The following GUCY1A1 variants were observed in gnomAD, a reference collection of about 807,000 sequenced individuals.
The protein encoded by GUCY1A1 is guanylate cyclase 1 soluble subunit alpha 1, also known as guanylate cyclase soluble subunit alpha-1.
A neutral mutation model predicts 64.5 loss-of-function variants in GUCY1A1; 48 were observed. The observed-to-expected ratio is 0.74, with a 90% confidence interval of 0.59 to 0.95. GUCY1A1 has a LOEUF of 0.95. Among genes scored for constraint, GUCY1A1 ranks in the 40% least tolerant of loss-of-function variants. The pLI, the probability that GUCY1A1 is intolerant of heterozygous loss-of-function variation, is 0.00. For synonymous variants in GUCY1A1, 308 were observed against 303.4 expected (o/e 1.02, Z -0.16); for missense variants, 804 against 825.3 (o/e 0.97, Z 0.32).
Position 155,680,946 on chromosome 4 carries a change from CAT to C in GUCY1A1, c.-113+13528_-113+13529del, listed in dbSNP as rs1491427939. On this transcript the variant is annotated intron_variant, in intron 2 of 9. Coordinates refer to ENST00000506455, the MANE Select transcript of GUCY1A1 (RefSeq NM_001130682.3). The stretch of plus-strand genomic sequence containing the variant: ...ATACACACACACACACACACACACA[CAT>C]GCACACACACACACACATGCACACA... 1.5e-4 allele frequency among the ~76,000 whole-genome samples: 20 copies of C among 134,888 alleles called. 1 individual carries two copies. Among genetic ancestry groups the C allele is most frequent in the African/African-American group, 5.3e-4 (20 of 37,730 alleles). 88.5% of individuals were successfully genotyped at this position (134,888 alleles called of 152,430 possible). A position where few individuals can be genotyped will look rare whatever the true frequency, so the allele number is the denominator to read the frequency against.
intron 3 of GUCY1A1, among the ~76,000 whole-genome samples, chr4:155,701,778 G>A (rs571317495): frequency 1.8e-4 from 26 of 143,990 alleles, no homozygotes; most frequent in Non-Finnish European, 2.9e-4. Flanking sequence ...CTCCAGCCTG[G>A]ATGACAGAGC....
rs1291788359 is a variant in GUCY1A1 at position 155,726,776 on chromosome 4, G to A, written c.1872-3254G>A. On this transcript the variant is annotated intron_variant, in intron 9 of 9. Transcript: ENST00000506455. Reference sequence around the variant, plus strand: ...ACTTTAATTTTAGGGGATAATATTCGACATTTTGTTTGCATTCTTGAAGTA... The same window carrying A: ...ACTTTAATTTTAGGGGATAATATTCAACATTTTGTTTGCATTCTTGAAGTA... Among the ~76,000 whole-genome samples the A allele has an allele frequency of 6.6e-5, 10 of 151,756 alleles. 1 individual carries two copies. Among genetic ancestry groups the A allele is most frequent in the South Asian group, 6.2e-4 (3 of 4,818 alleles).
intron 3 of GUCY1A1, among the ~76,000 whole-genome samples, chr4:155,702,314 G>T (rs1201074922): frequency 6.6e-6 from 1 of 151,882 alleles, no homozygotes; most frequent in African/African-American, 2.4e-5. Flanking sequence ...TGCTTTCATG[G>T]ATTTGTATCC....
intron 2 of GUCY1A1, among the ~76,000 whole-genome samples, chr4:155,694,085 T>A (rs1022482839): frequency 1.3e-5 from 2 of 152,232 alleles, no homozygotes; most frequent in Non-Finnish European, 2.9e-5. Flanking sequence ...TACCCTTTTT[T>A]GCTAGTTATT....
intron 2 of GUCY1A1, among the ~76,000 whole-genome samples, chr4:155,672,819 T>G (rs1038140428): frequency 1.3e-5 from 2 of 152,224 alleles, no homozygotes; most frequent in East Asian, 3.9e-4. Context: ...TAAAGATGAC[T>G]TTAACAATTC....
chr4:155,686,708 G>A (rs937282018), intron 2 of GUCY1A1, among the ~76,000 whole-genome samples: 1 of 152,206 alleles, frequency 6.6e-6, no homozygotes, highest in Non-Finnish European at 1.5e-5. Flanking sequence ...ATAAAAAATA[G>A]TGAGTAGTGC....
intron 7 of GUCY1A1, among the ~76,000 whole-genome samples, chr4:155,714,147 A>T (rs1732936652): frequency 6.6e-6 from 1 of 152,220 alleles, no homozygotes; most frequent in Non-Finnish European, 1.5e-5. Context: ...GGCCAAGGGC[A>T]GAGACATTTG....
intron 2 of GUCY1A1, among the ~76,000 whole-genome samples, chr4:155,694,278 C>T (rs1269263319): frequency 6.6e-6 from 1 of 152,114 alleles, no homozygotes; most frequent in Non-Finnish European, 1.5e-5. Flanking sequence ...CACAGTGGCT[C>T]ATGCCTGTAA....
chr4:155,694,646 A>G (rs571280273), intron 2 of GUCY1A1, among the ~76,000 whole-genome samples: 2 of 152,258 alleles, frequency 1.3e-5, no homozygotes, highest in East Asian at 3.9e-4. Context: ...TTTGTATATC[A>G]TCTCTGGCTG....
intron 2 of GUCY1A1, among the ~76,000 whole-genome samples, chr4:155,685,062 T>C (rs2126642467): frequency 2.0e-5 from 3 of 152,278 alleles, no homozygotes; most frequent in Middle Eastern, 6.8e-3. Flanking sequence ...CAGCAGGAGC[T>C]CTGTAGTTAG....
At chr4:155,727,857 A>G (rs1008353961) in intron 9 of GUCY1A1, among the ~76,000 whole-genome samples, 1 of 151,840 alleles carries the variant, frequency 6.6e-6, no homozygotes. Flanking sequence ...CTCTGACACA[A>G]TGGATCCTAA....
At chr4:155,729,974 GTTC>G in intron 9 of GUCY1A1, 53 bp from the exon 10 acceptor site, 6 of 1,076,380 alleles carry the variant, frequency 5.6e-6, no homozygotes, top group Non-Finnish European at 8.6e-6. Context: ...GTTATGTTGT[GTTC>G]TTTTTTTGAG....
intron 2 of GUCY1A1, among the ~76,000 whole-genome samples, chr4:155,669,050 A>G (rs1288905061): frequency 6.6e-6 from 1 of 152,196 alleles, no homozygotes; most frequent in Non-Finnish European, 1.5e-5. Flanking sequence ...TTCTTATCAA[A>G]ACAACAGGCT....
intron 2 of GUCY1A1, among the ~76,000 whole-genome samples, chr4:155,672,724 A>T (rs1166301045): frequency 2.6e-5 from 4 of 152,212 alleles, no homozygotes; most frequent in Non-Finnish European, 5.9e-5. Flanking sequence ...TCTCTAAATT[A>T]TAGCTGATGG....
At position 155,696,909 on chromosome 4, in the gene GUCY1A1, G is replaced by A. The variant is rs1730483466; in HGVS notation, c.42G>A (p.Glu14=). 6.2e-7 allele frequency: 1 copy of A among 1,612,052 alleles called. No homozygotes were observed. Among genetic ancestry groups the A allele is most frequent in the Admixed American group, 1.7e-5 (1 of 59,944 alleles). The stretch of plus-strand genomic sequence containing the variant: ...TCAAGGATCTCAAGATCACAGGAGA[G>A]TGTCCTTTCTCCTTACTGGCACCAG... ...TKLKDLKITG[E]CPFSLLAPGQ... is the part of the protein sequence containing the mutation. Residue 14 remains glutamate (E), a synonymous_variant, in exon 3 of 10, where the codon GAG becomes GAA. Transcript: ENST00000506455.
At chr4:155,683,424 C>T (rs1207600025) in intron 2 of GUCY1A1, among the ~76,000 whole-genome samples, 2 of 152,030 alleles carry the variant, frequency 1.3e-5, no homozygotes, top group Non-Finnish European at 2.9e-5. Flanking sequence ...GTGTTTATAC[C>T]AGATGACTCA....
At chr4:155,692,580 G>A (rs1729887767) in intron 2 of GUCY1A1, among the ~76,000 whole-genome samples, 2 of 152,162 alleles carry the variant, frequency 1.3e-5, no homozygotes, top group Non-Finnish European at 2.9e-5. Context: ...TCACATGACT[G>A]TTGGTCACAT....
chr4:155,719,561 GA>G (rs1355037146), intron 8 of GUCY1A1, among the ~76,000 whole-genome samples: 1 of 152,106 alleles, frequency 6.6e-6, no homozygotes, highest in African/African-American at 2.4e-5. Flanking sequence ...GAATTGAAGT[GA>G]AAGAATAGAA....
chr4:155,724,828 C>T (rs1734441068), intron 9 of GUCY1A1, among the ~76,000 whole-genome samples: 1 of 152,048 alleles, frequency 6.6e-6, no homozygotes, highest in African/African-American at 2.4e-5. Flanking sequence ...ATATCCTATT[C>T]CATATTTCCA....
Sources: allele counts gnomAD v4.1 joint callset (sites outside exome capture counted in the v4.1 genomes callset), GRCh38; gene constraint gnomAD v4.1.1; transcripts MANE v1.5; gene names NCBI Gene and HGNC (gene_info 2026-07-23, HGNC 2026-07-21).